Variants in LRTM3 observed in about 807,000 individuals in gnomAD.
LRTM3 encodes the protein leucine-rich repeat transmembrane protein 3.
the LRTM3 span, chr13:102,736,455 T>C: frequency 6.4e-7 from 1 of 1,551,144 alleles, no homozygotes; most frequent in Admixed American, 2.0e-5. Flanking sequence ...TTCTCTTTCT[T>C]TACAAGGCTC....
At chr13:102,748,998 G>T in the LRTM3 span, 1 of 1,550,648 alleles carries the variant, frequency 6.4e-7, no homozygotes, top group Admixed American at 2.0e-5. Flanking sequence ...ATTAAACCCG[G>T]CATGACTTTC....
At chr13:102,737,081 C>T in the LRTM3 span, 1 of 1,551,178 alleles carries the variant, frequency 6.4e-7, no homozygotes, top group South Asian at 1.2e-5. Context: ...TTTTGAGCCA[C>T]TGCTGCCAGG....
At chr13:102,739,974 T>C in the LRTM3 span, 2 of 1,550,530 alleles carry the variant, frequency 1.3e-6, no homozygotes, top group South Asian at 2.4e-5. Context: ...CATTTCGAAG[T>C]TCTCCTTTTG....
At chr13:102,746,636 G>A in the LRTM3 span, 4 of 1,551,234 alleles carry the variant, frequency 2.6e-6, no homozygotes, top group African/African-American at 4.1e-5. Flanking sequence ...GAGTGCAAAT[G>A]TTACTCTCTT....
At chr13:102,744,381 C>A in the LRTM3 span, 1 of 1,550,070 alleles carries the variant, frequency 6.5e-7, no homozygotes, top group Non-Finnish European at 8.7e-7. Flanking sequence ...ATAGAACTAT[C>A]CCATTTCCTT....
chr13:102,729,886 G>T, the LRTM3 span: 1 of 1,551,952 alleles, frequency 6.4e-7, no homozygotes, highest in Non-Finnish European at 8.7e-7. Flanking sequence ...GGCTTTCTGG[G>T]TGCCTGTGAG....
chr13:102,731,073 A>G, the LRTM3 span: 2 of 1,551,288 alleles, frequency 1.3e-6, no homozygotes, highest in Non-Finnish European at 1.7e-6. Context: ...TCTTTTACTG[A>G]GTGGTTTTGG....
the LRTM3 span, chr13:102,735,433 T>A: frequency 6.4e-7 from 1 of 1,551,366 alleles, no homozygotes; most frequent in Non-Finnish European, 8.7e-7. Context: ...CCTGTCCTTC[T>A]GTTGTATCAA....
chr13:102,737,870 G>A, the LRTM3 span: 1 of 1,550,744 alleles, frequency 6.4e-7, no homozygotes, highest in East Asian at 2.5e-5. Flanking sequence ...ATGGGTTAGA[G>A]AAGAATTGGA....
chr13:102,747,593 G>A, the LRTM3 span: 36 of 1,550,944 alleles, frequency 2.3e-5, no homozygotes, highest in Admixed American at 2.0e-4. Flanking sequence ...ATGACTATCC[G>A]TTGTCTTTTG....
chr13:102,751,342 TACACACACACACACACACACACACAC>T, the LRTM3 span, among the ~76,000 whole-genome samples: 1 of 141,998 alleles, frequency 7.0e-6, no homozygotes, highest in East Asian at 2.1e-4. Flanking sequence ...TCTCTCTTTA[TACACACACACACACACACACACACAC>T]ACACACACAC....
the LRTM3 span, chr13:102,743,614 AG>A: frequency 1.3e-6 from 2 of 1,550,448 alleles, no homozygotes; most frequent in Non-Finnish European, 1.7e-6. Context: ...AGAAATCTAA[AG>A]GACCCAGGAA....
the LRTM3 span, chr13:102,740,249 GT>G: frequency 1.3e-6 from 2 of 1,549,616 alleles, no homozygotes; most frequent in Non-Finnish European, 1.7e-6. Flanking sequence ...ATATTTTATA[GT>G]TTTATGGTAT....
chr13:102,749,315 A>G, the LRTM3 span: 1 of 1,551,092 alleles, frequency 6.4e-7, no homozygotes, highest in East Asian at 2.4e-5. Flanking sequence ...TGAGCTATAT[A>G]CAGAATCCTG....
the LRTM3 span, chr13:102,743,919 C>A: frequency 1.3e-6 from 2 of 1,550,560 alleles, no homozygotes; most frequent in South Asian, 2.4e-5. Context: ...AAGAAAATTG[C>A]AGCTACATTT....
chr13:102,751,591 GC>G, the LRTM3 span, among the ~76,000 whole-genome samples: 2 of 152,244 alleles, frequency 1.3e-5, no homozygotes, highest in East Asian at 1.9e-4. Context: ...GCATGAGCAA[GC>G]CTAAAATCAA....
the LRTM3 span, among the ~76,000 whole-genome samples, chr13:102,751,328 ACT>A: frequency 7.4e-6 from 1 of 135,422 alleles, no homozygotes; most frequent in African/African-American, 2.8e-5. Context: ...TAACTGTCTT[ACT>A]CTCTCTCTTT....
At chr13:102,748,483 A>C in the LRTM3 span, 1 of 1,551,170 alleles carries the variant, frequency 6.4e-7, no homozygotes, top group Non-Finnish European at 8.7e-7. Flanking sequence ...TTTTTGGTGT[A>C]CTGGTTGGTA....
chr13:102,758,961 G>GTC, the LRTM3 span: 5 of 1,325,054 alleles, frequency 3.8e-6, no homozygotes, highest in African/African-American at 7.4e-5. Flanking sequence ...AGAGACTGGT[G>GTC]TCTCATTCAG....
Sources: allele counts gnomAD v4.1 joint callset (sites outside exome capture counted in the v4.1 genomes callset), GRCh38; gene constraint gnomAD v4.1.1; transcripts MANE v1.5; gene names NCBI Gene and HGNC (gene_info 2026-07-23, HGNC 2026-07-21).